CWC15: variants seen among roughly 807,000 people sequenced by gnomAD.
CWC15 encodes spliceosome-associated protein CWC15 homolog.
In CWC15, 12 loss-of-function variants were observed where a neutral mutation model predicts 28.4. The ratio of observed to expected loss-of-function variants is 0.42; its 90% CI spans 0.27 to 0.69. The LOEUF (loss-of-function observed/expected upper bound fraction) is 0.69, where lower values mean the gene tolerates loss of function less well. Among genes scored for constraint, CWC15 ranks in the 30% least tolerant of loss-of-function variants. The pLI is 0.23. For synonymous variants in CWC15, 92 were observed against 88.4 expected (o/e 1.04, Z -0.23); for missense variants, 192 against 271.5 (o/e 0.71, Z 2.06).
intron 5 of CWC15, among the ~76,000 whole-genome samples, chr11:94,968,083 A>C (rs1555095589): frequency 6.6e-6 from 1 of 152,224 alleles, no homozygotes; most frequent in Non-Finnish European, 1.5e-5. Context: ...TTCATAATAT[A>C]GGCTAGTCAT....
chr11:94,963,281 G>T lies in CWC15; in HGVS notation c.*104C>A. 1 of 854,758 alleles carries T rather than the reference G, an allele frequency of 1.2e-6. No individual in the cohort carries two copies. 52.9% of individuals were successfully genotyped at this position (854,758 alleles called of 1,614,324 possible). A position where few individuals can be genotyped will look rare whatever the true frequency, so the allele number is the denominator to read the frequency against. ...AAGATAGGAGTTTAAAACTGGGGAA[G>T]CCCACACACAATTTAGACAGGGGAA... On this transcript the variant is annotated 3_prime_UTR_variant, in exon 7 of 7. Coordinates refer to ENST00000279839, the MANE Select transcript of CWC15 (RefSeq NM_016403.4).
intron 5 of CWC15, among the ~76,000 whole-genome samples, chr11:94,969,211 T>C (rs1857685202): frequency 6.6e-6 from 1 of 152,180 alleles, no homozygotes; most frequent in South Asian, 2.1e-4. Context: ...ATTACTTACC[T>C]CAATTCCAAC....
At chr11:94,973,033 T>C (rs1590961564) in intron 1 of CWC15, among the ~76,000 whole-genome samples, 1 of 98,400 alleles carries the variant, frequency 1.0e-5, no homozygotes, top group African/African-American at 3.6e-5. Flanking sequence ...GGTGGGCGAA[T>C]TGGGAGGATT....
chr11:94,966,918 CAA>C (rs1309878800), intron 5 of CWC15, among the ~76,000 whole-genome samples: 1 of 151,994 alleles, frequency 6.6e-6, no homozygotes, highest in Non-Finnish European at 1.5e-5. Context: ...GGTTTGGTGA[CAA>C]GTTATGAATG....
rs193300851 is a variant in CWC15, at chr11:94,973,523, C to T, written c.-34G>A. The T allele has an allele frequency of 2.0e-5, 3 of 152,556 alleles. No homozygotes were observed. Among genetic ancestry groups the T allele is most frequent in the Admixed American group, 6.5e-5 (1 of 15,314 alleles). The allele number at this position is 152,556 out of a possible 1,614,324, so 9.5% of individuals were successfully genotyped here. ...ACTGGCCGAGGTCCGATGCAGCAGG[C>T]TCCGAAGATCATACAGACGCCATTA... is the stretch of plus-strand genomic sequence containing the variant. On this transcript the variant is annotated 5_prime_UTR_variant, in exon 1 of 7. Coordinates refer to ENST00000279839, the MANE Select transcript of CWC15 (RefSeq NM_016403.4).
intron 1 of CWC15, chr11:94,973,273 C>G (rs587740463): frequency 1.5e-5 from 2 of 136,322 alleles, no homozygotes; most frequent in East Asian, 2.0e-4. Context: ...AAGGGAGGAC[C>G]TGGGGTTCGC....
intron 6 of CWC15, 43 bp downstream of exon 6, chr11:94,966,252 C>A (rs1448094869): frequency 1.9e-6 from 2 of 1,039,808 alleles, no homozygotes; most frequent in Admixed American, 4.0e-5. Flanking sequence ...CACACACACA[C>A]ACACACACAC....
At chr11:94,964,384 G>T (rs1555094906) in intron 6 of CWC15, among the ~76,000 whole-genome samples, 1 of 152,148 alleles carries the variant, frequency 6.6e-6, no homozygotes, top group Non-Finnish European at 1.5e-5. Context: ...GGAAAACAGT[G>T]CAGTAAAGTC....
At chr11:94,967,938 G>C (rs931050393) in intron 5 of CWC15, among the ~76,000 whole-genome samples, 9 of 152,136 alleles carry the variant, frequency 5.9e-5, no homozygotes, top group Non-Finnish European at 1.0e-4. Flanking sequence ...CTTATAATGT[G>C]TATGACATAT....
chr11:94,965,812 C>A (rs894418359), intron 6 of CWC15, among the ~76,000 whole-genome samples: 1 of 152,182 alleles, frequency 6.6e-6, no homozygotes, highest in Non-Finnish European at 1.5e-5. Context: ...CATAGTGACA[C>A]CTGCACATGG....
Position 94,971,444 on chromosome 11 carries a change from A to C in CWC15, c.175T>G (p.Phe59Val), listed in dbSNP as rs1857719214. 9 of 1,612,670 alleles carry C rather than the reference A, an allele frequency of 5.6e-6. No homozygotes were observed. The highest frequency in any genetic ancestry group is 7.6e-6 in the Non-Finnish European group (9 of 1,179,280). The change falls in exon 3 of 7, where the codon TTC becomes GTC. Residue 59 changes from phenylalanine (F) to valine (V), a missense_variant. By Grantham distance (50) the Phe-to-Val change is conservative. Coordinates refer to ENST00000279839, the MANE Select transcript of CWC15 (RefSeq NM_016403.4). ...TCTCTTTCTTCCAACTCTCTCCTGA[A>C]GTCACGGTTACGAACCTCTTCAGGG... ...DAPEEVRNRDFRRELEERERA... is the reference protein window; with the variant it reads ...DAPEEVRNRDVRRELEERERA...
chr11:94,963,485 C>T lies in CWC15; in HGVS notation c.590G>A (p.Cys197Tyr). ...RWDDDVVFKNCAKGVDDQKKD... is the reference protein window; with the variant it reads ...RWDDDVVFKNYAKGVDDQKKD... ...CTTCTGGTCATCTACACCTTTTGCA[C>T]AGTTCTTGAAGACAACGTCATCATC... Residue 197 changes from cysteine to tyrosine, a missense_variant, in exon 7 of 7, where the codon TGT becomes TAT. Physicochemically the swap from Cys to Tyr is radical, Grantham distance 194. Around this residue, in one of 2 missense-constraint regions of CWC15, gnomAD observed 188 missense variants for 250.3 expected, o/e 0.75. Coordinates refer to ENST00000279839, the MANE Select transcript of CWC15 (RefSeq NM_016403.4). 1 of 1,580,468 alleles carries T rather than the reference C, an allele frequency of 6.3e-7. No homozygotes were observed. Among genetic ancestry groups the T allele is most frequent in the Non-Finnish European group, 8.6e-7 (1 of 1,161,290 alleles).
chr11:94,968,822 C>G lies in CWC15; in HGVS notation c.441+1167G>C, dbSNP rs1857680366. ...TACTTCCCTAGATTCCTGGTATTGA[C>G]CATGCAGTATATTTTCTTACTTTCT... On this transcript the variant is annotated intron_variant, in intron 5 of 6. Transcript: ENST00000279839. 2.6e-5 allele frequency among the ~76,000 whole-genome samples: 4 copies of G among 152,292 alleles called. No individual in the cohort carries two copies. The South Asian group carries it at 8.3e-4, about 32-fold the overall frequency.
intron 2 of CWC15, 71 bp downstream of exon 2, chr11:94,971,984 T>C: frequency 7.3e-7 from 1 of 1,363,012 alleles, no homozygotes; most frequent in Non-Finnish European, 1.0e-6. Flanking sequence ...AACATACTAC[T>C]ATATCATGAC....
chr11:94,970,894 T>G, intron 4 of CWC15, 83 bp downstream of exon 4: 1 of 1,142,320 alleles, frequency 8.8e-7, no homozygotes, highest in Non-Finnish European at 1.3e-6. Context: ...TATATGTCAC[T>G]TCTTAAAGCA....
At chr11:94,965,311 A>G (rs1353268897) in intron 6 of CWC15, among the ~76,000 whole-genome samples, 5 of 152,260 alleles carry the variant, frequency 3.3e-5, no homozygotes, top group Non-Finnish European at 7.3e-5. Context: ...CATATAAAAT[A>G]ACAACCAATC....
chr11:94,970,022 A>G lies in CWC15; in HGVS notation c.408T>C (p.Ile136=). The G allele has an allele frequency of 6.4e-7, 1 of 1,570,892 alleles. No individual in the cohort carries two copies. The highest frequency in any genetic ancestry group is 8.6e-7 in the Non-Finnish European group (1 of 1,157,502). The part of the protein sequence containing the change: ...TAALLAELEK[I]KKERAEEQAR... ...CCTGCTCTTCAGCTCTTTCTTTTTT[A>G]ATTTTTTCCAGTTCTGCAAGAAGAG... The change falls in exon 5 of 7, where the codon ATT becomes ATC. Residue 136 remains isoleucine (I), a synonymous_variant. Transcript: ENST00000279839.
In CWC15 at chr11:94,963,483, C is replaced by T. The variant is rs1857595964; in HGVS notation, c.592G>A (p.Ala198Thr). 6.3e-7 allele frequency: 1 copy of T among 1,580,728 alleles called. No homozygotes were observed. Among genetic ancestry groups the T allele is most frequent in the South Asian group, 1.2e-5 (1 of 86,824 alleles). Reference protein sequence around the residue: ...WDDDVVFKNCAKGVDDQKKDK... With the variant: ...WDDDVVFKNCTKGVDDQKKDK... ...TTCTTCTGGTCATCTACACCTTTTG[C>T]ACAGTTCTTGAAGACAACGTCATCA... The change falls in exon 7 of 7, where the codon GCA becomes ACA. Residue 198 changes from alanine (A) to threonine (T), a missense_variant. Physicochemically the swap from Ala to Thr is moderately conservative, Grantham distance 58 (BLOSUM62 0). Around this residue, in one of 2 missense-constraint regions of CWC15, gnomAD observed 188 missense variants for 250.3 expected, o/e 0.75. Coordinates refer to ENST00000279839, the MANE Select transcript of CWC15 (RefSeq NM_016403.4).
rs1189981004 is a variant in CWC15 at position 94,962,739 on chromosome 11, A to C, written c.*646T>G. On this transcript the variant is annotated 3_prime_UTR_variant, in exon 7 of 7. Transcript: ENST00000279839. ...GGAAACATGGCAGTTGAGTATCCAG[A>C]ACACAAGTGAGTACCGTATACTTTA... is the stretch of plus-strand genomic sequence containing the variant. 2.0e-5 allele frequency: 3 copies of C among 152,224 alleles called. No homozygotes were observed. The highest frequency in any genetic ancestry group is 7.2e-5 in the African/African-American group (3 of 41,442). 9.4% of individuals were successfully genotyped at this position (152,224 alleles called of 1,614,324 possible).
Sources: allele counts gnomAD v4.1 joint callset (sites outside exome capture counted in the v4.1 genomes callset), GRCh38; gene constraint gnomAD v4.1.1; regional missense constraint gnomAD v4.1.1; transcripts MANE v1.5; gene names NCBI Gene and HGNC (gene_info 2026-07-23, HGNC 2026-07-21).